Variants in FAM222B observed in about 807,000 individuals in gnomAD.
The protein encoded by FAM222B is protein FAM222B.
A neutral mutation model predicts 38.0 loss-of-function variants in FAM222B; 12 were observed. That is an observed-to-expected ratio of 0.32 (90% CI 0.20 to 0.51). FAM222B has a LOEUF of 0.51. FAM222B is among the 20% of genes least tolerant of loss of function. The probability of loss-of-function intolerance (pLI) is 0.97; values close to 1 mark genes in which losing one functional copy is unlikely to be tolerated. For missense variants in FAM222B, 716 were observed against 754.2 expected (o/e 0.95, Z 0.59); for synonymous variants, 329 against 317.2 (o/e 1.04, Z -0.40).
chr17:28,809,892 T>C (rs1329736689), intron 1 of FAM222B, among the ~76,000 whole-genome samples: 1 of 152,124 alleles, frequency 6.6e-6, no homozygotes, highest in Non-Finnish European at 1.5e-5. Flanking sequence ...TGCTCACCCA[T>C]GGGTAGAGAA....
intron 1 of FAM222B, among the ~76,000 whole-genome samples, chr17:28,778,330 A>T (rs1373424975): frequency 6.6e-6 from 1 of 151,614 alleles, no homozygotes; most frequent in Non-Finnish European, 1.5e-5. Context: ...CCCACTTATG[A>T]GTGAGAACAT....
chr17:28,833,107 G>C (rs1054232364), intron 1 of FAM222B, among the ~76,000 whole-genome samples: 13 of 151,552 alleles, frequency 8.6e-5, no homozygotes, highest in Non-Finnish European at 1.8e-4. Flanking sequence ...CGGATAACAA[G>C]GTCAGGAGTT....
intron 1 of FAM222B, among the ~76,000 whole-genome samples, chr17:28,816,598 A>G (rs1057047070): frequency 6.6e-6 from 1 of 152,150 alleles, no homozygotes; most frequent in Non-Finnish European, 1.5e-5. Context: ...AATTTACTCC[A>G]ATCAAAACGA....
intron 1 of FAM222B, chr17:28,834,443 T>A (rs1337279363): frequency 6.6e-6 from 1 of 152,174 alleles, no homozygotes; most frequent in African/African-American, 2.4e-5. Flanking sequence ...CACATTAAAC[T>A]AGTCCACATG....
intron 1 of FAM222B, among the ~76,000 whole-genome samples, chr17:28,839,202 G>A (rs528628454): frequency 1.1e-4 from 17 of 152,040 alleles, no homozygotes; most frequent in African/African-American, 9.7e-5. Context: ...GCAGGACTCC[G>A]TCTCAAAAAA....
chr17:28,850,249 T>C (rs2039171910), intron 1 of FAM222B, among the ~76,000 whole-genome samples: 1 of 151,992 alleles, frequency 6.6e-6, no homozygotes, highest in Non-Finnish European at 1.5e-5. Context: ...TTCCTTCCAC[T>C]CTGGGTACTT....
chr17:28,766,623 A>C lies in FAM222B; in HGVS notation c.45T>G (p.Leu15=), dbSNP rs780063525. 4 of 1,606,836 alleles carry C rather than the reference A, an allele frequency of 2.5e-6. No individual in the cohort carries two copies. The highest frequency in any genetic ancestry group is 1.1e-5 in the South Asian group (1 of 89,422). ...CAGTGTTCATCTGCGTGTGAGAAAG[A>C]AGCTGAAAGGACAGGTCACCTGGCC... ...LPGPGDLSFQ[L]LSHTQMNTGL... The change falls in exon 2 of 3, where the codon CTT becomes CTG. Residue 15 remains leucine, a synonymous_variant. Coordinates refer to ENST00000581407, the MANE Select transcript of FAM222B (RefSeq NM_001077498.3).
At chr17:28,826,681 CA>C (rs58793747) in intron 1 of FAM222B, among the ~76,000 whole-genome samples, 12,050 of 85,024 alleles carry the variant, frequency 0.14, 605 homozygotes, top group African/African-American at 0.27. Flanking sequence ...AACTCCGTCT[CA>C]AAAAAAAAAA....
chr17:28,766,452 C>T lies in FAM222B; in HGVS notation c.82+134G>A, dbSNP rs8070474. The stretch of plus-strand genomic sequence containing the variant: ...AGCCTGGGTGACAAGAGCAAGACTT[C>T]GTCTTAAAAAAAAAAAAAAAAGAAA... On this transcript the variant is annotated intron_variant, in intron 2 of 2. Coordinates refer to ENST00000581407, the MANE Select transcript of FAM222B (RefSeq NM_001077498.3). The T allele has an allele frequency of 8.0e-4, 565 of 702,470 alleles. 2 individuals carry two copies. In the African/African-American group the frequency reaches 9.3e-3, roughly 12 times the overall value. 43.5% of individuals were successfully genotyped at this position (702,470 alleles called of 1,614,324 possible).
intron 1 of FAM222B, among the ~76,000 whole-genome samples, chr17:28,768,773 T>A (rs1468306318): frequency 2.0e-5 from 3 of 146,530 alleles, no homozygotes; most frequent in Non-Finnish European, 4.5e-5. Context: ...AAGGCAGAGG[T>A]TGCAGTGAGC....
Position 28,829,624 on chromosome 17 carries a change from T to A in FAM222B, c.-41+13058A>T, listed in dbSNP as rs572035147. Among the ~76,000 whole-genome samples the A allele has an allele frequency of 6.6e-5, 10 of 152,320 alleles. No individual in the cohort carries two copies. The South Asian group carries it at 1.0e-3, about 16-fold the overall frequency. ...TTTACTAAGCATAATACCAATGAGT[T>A]TCATTCATGTTATTGCATATATGAA... On this transcript the variant is annotated intron_variant, in intron 1 of 2. Coordinates refer to ENST00000581407, the MANE Select transcript of FAM222B (RefSeq NM_001077498.3).
chr17:28,815,337 C>T (rs899402590), intron 1 of FAM222B, among the ~76,000 whole-genome samples: 2 of 152,074 alleles, frequency 1.3e-5, no homozygotes, highest in Non-Finnish European at 2.9e-5. Context: ...CCTCAGCCTC[C>T]CAAGTAGCTG....
In FAM222B at chr17:28,822,832, A is replaced by AATATAT. The variant is rs1254235399; in HGVS notation, c.-41+19844_-41+19849dup. Among the ~76,000 whole-genome samples the AATATAT allele has an allele frequency of 7.4e-3, 316 of 42,768 alleles. 1 individual carries two copies. Among genetic ancestry groups the AATATAT allele is most frequent in the Middle Eastern group, 0.025 (1 of 40 alleles). The allele number at this position is 42,768 out of a possible 152,430, so 28.1% of individuals were successfully genotyped here. A position where few individuals can be genotyped will look rare whatever the true frequency, so the allele number is the denominator to read the frequency against. On this transcript the variant is annotated intron_variant, in intron 1 of 2. Coordinates refer to ENST00000581407, the MANE Select transcript of FAM222B (RefSeq NM_001077498.3). ...AAAAAAAAAAAAAAAAAAAAAAAAA[A>AATATAT]ATATATATATATATATATATATATA... is the stretch of plus-strand genomic sequence containing the variant.
chr17:28,780,105 G>A (rs2036100945), intron 1 of FAM222B, among the ~76,000 whole-genome samples: 1 of 151,824 alleles, frequency 6.6e-6, no homozygotes, highest in Admixed American at 6.6e-5. Flanking sequence ...CTGGGTAGGT[G>A]GGACTATAGG....
At chr17:28,786,698 C>T (rs2036425174) in intron 1 of FAM222B, among the ~76,000 whole-genome samples, 1 of 151,982 alleles carries the variant, frequency 6.6e-6, no homozygotes, top group Admixed American at 6.6e-5. Context: ...TTTGAATTTT[C>T]TGGGAAAAAG....
upstream of FAM222B, among the ~76,000 whole-genome samples, chr17:28,845,080 T>A (rs1033261356): frequency 3.5e-5 from 5 of 141,092 alleles, no homozygotes; most frequent in African/African-American, 1.3e-4. Flanking sequence ...CCAGCCTGGA[T>A]AACAGAGTGA....
At chr17:28,854,305 G>A (rs1272126462) in intron 1 of FAM222B, among the ~76,000 whole-genome samples, 5 of 152,224 alleles carry the variant, frequency 3.3e-5, no homozygotes, top group Non-Finnish European at 7.3e-5. Flanking sequence ...GCCTCAAACA[G>A]AGCAAGGTAA....
At chr17:28,832,930 G>A (rs1205792691) in intron 1 of FAM222B, among the ~76,000 whole-genome samples, 1 of 150,728 alleles carries the variant, frequency 6.6e-6, no homozygotes, top group Non-Finnish European at 1.5e-5. Context: ...TAGCACTTTG[G>A]GAGGCTGAGC....
chr17:28,780,898 A>T (rs1281228277), intron 1 of FAM222B, among the ~76,000 whole-genome samples: 1 of 152,030 alleles, frequency 6.6e-6, no homozygotes, highest in Non-Finnish European at 1.5e-5. Context: ...AAAAACCCAA[A>T]GAAACAAAAA....
Sources: allele counts gnomAD v4.1 joint callset (sites outside exome capture counted in the v4.1 genomes callset), GRCh38; gene constraint gnomAD v4.1.1; transcripts MANE v1.5; gene names NCBI Gene and HGNC (gene_info 2026-07-23, HGNC 2026-07-21).